SHPRH: variants seen among roughly 807,000 people sequenced by gnomAD.
The protein encoded by SHPRH is SNF2 histone linker PHD RING helicase.
SHPRH carries 106 observed loss-of-function variants against 202.5 expected under a neutral mutation model. The ratio of observed to expected loss-of-function variants is 0.52; its 90% confidence interval spans 0.45 to 0.62. The LOEUF (loss-of-function observed/expected upper bound fraction) is 0.62. Among genes scored for constraint, SHPRH ranks in the 20% least tolerant of loss-of-function variants. The pLI, the probability that SHPRH is intolerant of heterozygous loss-of-function variation, is 0.00. For missense variants in SHPRH, 1,710 were observed against 2,020.0 expected (o/e 0.85, Z 2.94); for synonymous variants, 729 against 686.0 (o/e 1.06, Z -0.98).
At chr6:145,946,558 A>G (rs1350647979) in intron 6 of SHPRH, among the ~76,000 whole-genome samples, 11 of 152,014 alleles carry the variant, frequency 7.2e-5, no homozygotes, top group Non-Finnish European at 1.5e-4. Flanking sequence ...TAAATTACCT[A>G]AATGTTATGT....
intron 25 of SHPRH, among the ~76,000 whole-genome samples, chr6:145,901,285 G>A (rs937279594): frequency 6.6e-6 from 1 of 152,048 alleles, no homozygotes; most frequent in Non-Finnish European, 1.5e-5. Flanking sequence ...CCGCCTTAAT[G>A]AGCACTACAC....
At chr6:145,889,435 T>C (rs1011571854) in intron 28 of SHPRH, among the ~76,000 whole-genome samples, 1 of 152,100 alleles carries the variant, frequency 6.6e-6, no homozygotes, top group Non-Finnish European at 1.5e-5. Context: ...TGGGGTAATA[T>C]ATGACAGGTT....
intron 28 of SHPRH, among the ~76,000 whole-genome samples, chr6:145,890,391 C>T (rs1418911146): frequency 1.3e-5 from 2 of 152,186 alleles, no homozygotes; most frequent in Non-Finnish European, 2.9e-5. Context: ...CTCCATGTTG[C>T]TAAATCTAAT....
At chr6:145,896,899 A>G (rs1292938154) in intron 25 of SHPRH, among the ~76,000 whole-genome samples, 1 of 152,140 alleles carries the variant, frequency 6.6e-6, no homozygotes, top group Non-Finnish European at 1.5e-5. Context: ...CAGCAAAAGC[A>G]GTTCTAATAA....
At chr6:145,928,972 T>G (rs1045079086) in intron 14 of SHPRH, among the ~76,000 whole-genome samples, 1 of 151,924 alleles carries the variant, frequency 6.6e-6, no homozygotes, top group South Asian at 2.1e-4. Flanking sequence ...CAAAGGACAT[T>G]ATGAATTCTA....
downstream of SHPRH, among the ~76,000 whole-genome samples, chr6:145,862,992 ATGAT>A (rs1036206204): frequency 2.6e-5 from 4 of 152,168 alleles, no homozygotes; most frequent in Admixed American, 6.5e-5. Context: ...GATTAAATGA[ATGAT>A]TAAGAGCAAA....
At chr6:145,949,095 A>C (rs1034543278) in intron 4 of SHPRH, among the ~76,000 whole-genome samples, 1 of 152,068 alleles carries the variant, frequency 6.6e-6, no homozygotes, top group African/African-American at 2.4e-5. Context: ...TAAAAAGGGA[A>C]TGCTTTTACA....
chr6:145,921,457 TGA>T, intron 20 of SHPRH, 65 bp from the exon 21 acceptor site: 1 of 1,449,978 alleles, frequency 6.9e-7, no homozygotes, highest in Non-Finnish European at 9.6e-7. Flanking sequence ...ACCTTCAATG[TGA>T]GTTCTAAAAG....
intron 29 of SHPRH, among the ~76,000 whole-genome samples, chr6:145,887,599 G>A (rs912874794): frequency 4.2e-5 from 6 of 143,986 alleles, no homozygotes; most frequent in African/African-American, 1.0e-4. Context: ...GCAGTGGCAC[G>A]ATCTTGGCTC....
chr6:145,916,702 TTTTTA>T (rs1783985815), intron 23 of SHPRH, among the ~76,000 whole-genome samples: 1 of 152,170 alleles, frequency 6.6e-6, no homozygotes, highest in East Asian at 1.9e-4. Flanking sequence ...GATAACTGTC[TTTTTA>T]TTTTGACTAT....
At chr6:145,941,962 T>C in intron 9 of SHPRH, 88 bp from the exon 10 acceptor site, 1 of 1,474,214 alleles carries the variant, frequency 6.8e-7, no homozygotes, top group Admixed American at 2.0e-5. Flanking sequence ...TACTAAGTCC[T>C]CTCTATTTTC....
chr6:145,874,340 T>A (rs1780204915), intron 2 of SHPRH, among the ~76,000 whole-genome samples: 1 of 152,104 alleles, frequency 6.6e-6, no homozygotes, highest in Non-Finnish European at 1.5e-5. Flanking sequence ...CATCTTTCAT[T>A]CTTATGTGAT....
chr6:145,950,377 G>T lies in SHPRH; in HGVS notation c.869C>A (p.Ser290Tyr). 6.2e-7 allele frequency: 1 copy of T among 1,613,298 alleles called. No individual in the cohort carries two copies. The highest frequency in any genetic ancestry group is 2.2e-5 in the East Asian group (1 of 44,852). Reference protein sequence around the residue: ...VKQTHQQETQSIQVDVQHPAL... With the variant: ...VKQTHQQETQYIQVDVQHPAL... ...AGGATGCTGGACATCCACTTGGATG[G>T]ACTGCGTTTCTTGCTGATGTGTTTG... The change falls in exon 4 of 30, where the codon TCC (serine) becomes TAC (tyrosine). Residue 290 changes from serine (S) to tyrosine (Y), a missense_variant. Physicochemically the swap from Ser to Tyr is moderately radical, Grantham distance 144. Coordinates refer to ENST00000275233, the MANE Select transcript of SHPRH (RefSeq NM_001042683.3).
intron 20 of SHPRH, among the ~76,000 whole-genome samples, chr6:145,921,897 A>G (rs1030963313): frequency 1.3e-5 from 2 of 152,076 alleles, no homozygotes; most frequent in Admixed American, 1.3e-4. Flanking sequence ...TGGTTTCATT[A>G]AAGTAATAAC....
chr6:145,893,894 T>C (rs1384740906), intron 27 of SHPRH, among the ~76,000 whole-genome samples: 2 of 151,414 alleles, frequency 1.3e-5, no homozygotes, highest in Non-Finnish European at 2.9e-5. Context: ...AGGTATATCA[T>C]AGGCAATCTT....
chr6:145,875,587 T>C (rs1221393339), intron 2 of SHPRH, among the ~76,000 whole-genome samples: 1 of 152,246 alleles, frequency 6.6e-6, no homozygotes, highest in African/African-American at 2.4e-5. Context: ...TTAGTCATTA[T>C]GTGAGTTGGA....
chr6:145,933,357 G>A (rs897132483), intron 13 of SHPRH, 179 bp from the exon 14 acceptor site: 5 of 851,278 alleles, frequency 5.9e-6, no homozygotes, highest in Middle Eastern at 2.6e-4. Context: ...ACCTTTATTT[G>A]ATCACATCCT....
At chr6:145,955,455 T>C (rs1788411274) in intron 1 of SHPRH, 101 bp from the exon 2 acceptor site, 4 of 1,146,832 alleles carry the variant, frequency 3.5e-6, no homozygotes, top group Middle Eastern at 2.8e-4. Flanking sequence ...CCCATAAACA[T>C]AATATGAAAT....
chr6:145,868,976 G>C (rs1042661568), intron 2 of SHPRH, among the ~76,000 whole-genome samples: 1 of 152,090 alleles, frequency 6.6e-6, no homozygotes, highest in African/African-American at 2.4e-5. Context: ...GAAACTGCTA[G>C]ACTGTCTTCC....
Sources: gnomAD v4.1 joint callset for allele counts (sites outside exome capture counted in the v4.1 genomes callset) on GRCh38, gnomAD v4.1.1 for gene constraint, MANE v1.5 for transcripts, NCBI Gene and HGNC (gene_info 2026-07-23, HGNC 2026-07-21) for gene names.